The following CLEC16A variants were observed in gnomAD, a reference collection of about 807,000 sequenced individuals.
CLEC16A encodes protein CLEC16A.
CLEC16A carries 51 observed loss-of-function variants against 109.5 expected under a neutral mutation model. That is an observed-to-expected ratio of 0.47 (90% confidence interval 0.37 to 0.59). The LOEUF (loss-of-function observed/expected upper bound fraction) is 0.59, where lower values mean the gene tolerates loss of function less well. CLEC16A is among the 20% of genes least tolerant of loss of function. The pLI is 0.00. For missense variants in CLEC16A, 1,339 were observed against 1,394.0 expected, an observed-to-expected ratio of 0.96 and a Z score of 0.63; for synonymous variants, 673 against 564.2, an observed-to-expected ratio of 1.19 and a Z score of -2.73.
intron 23 of CLEC16A, among the ~76,000 whole-genome samples, 160 bp downstream of exon 23, chr16:11,166,712 C>A (rs774325199): frequency 6.6e-6 from 1 of 152,214 alleles, no homozygotes; most frequent in African/African-American, 2.4e-5. Flanking sequence ...ATTCCTCTAA[C>A]TTGATGTTCC....
At chr16:11,030,505 C>T (rs1313954978) in intron 13 of CLEC16A, among the ~76,000 whole-genome samples, 1 of 152,152 alleles carries the variant, frequency 6.6e-6, no homozygotes, top group African/African-American at 2.4e-5. Context: ...ATTTGCATAT[C>T]CCTAATGACA....
At chr16:11,052,376 A>G (rs2047994156) in intron 18 of CLEC16A, among the ~76,000 whole-genome samples, 1 of 152,120 alleles carries the variant, frequency 6.6e-6, no homozygotes, top group African/African-American at 2.4e-5. Context: ...CATCTGAGTT[A>G]ATTCGTGTGT....
rs545384998 is a variant in CLEC16A, at chr16:11,078,540, A to C, written c.2116+17518A>C. 5.3e-5 allele frequency among the ~76,000 whole-genome samples: 8 copies of C among 152,318 alleles called. No individual in the cohort carries two copies. In the East Asian group the frequency reaches 1.5e-3, roughly 29 times the overall value. ...TCACATCTCTCTAAGTTCCAAAGTCAGTTTCTCAGGTGGAAACCACCTGCC... is the reference window on the plus strand; with the variant it reads ...TCACATCTCTCTAAGTTCCAAAGTCCGTTTCTCAGGTGGAAACCACCTGCC... On this transcript the variant is annotated intron_variant, in intron 19 of 23. Transcript: ENST00000409790.
intron 10 of CLEC16A, among the ~76,000 whole-genome samples, chr16:10,995,858 G>A (rs1304085652): frequency 6.6e-6 from 1 of 152,128 alleles, no homozygotes; most frequent in Non-Finnish European, 1.5e-5. Context: ...TTCTCAAATC[G>A]CTTAGCAGAG....
chr16:11,058,420 T>C (rs1017308956), intron 18 of CLEC16A, among the ~76,000 whole-genome samples: 1 of 152,228 alleles, frequency 6.6e-6, no homozygotes, highest in South Asian at 2.1e-4. Flanking sequence ...AGATTACTTA[T>C]GATACTGAGT....
chr16:11,104,170 A>G (rs1287171783), intron 19 of CLEC16A, among the ~76,000 whole-genome samples: 3 of 152,132 alleles, frequency 2.0e-5, no homozygotes, highest in Non-Finnish European at 4.4e-5. Flanking sequence ...GTACAGTGGT[A>G]CAATCTCAGC....
At position 11,120,913 on chromosome 16, in the gene CLEC16A, A is replaced by C. The variant is rs553123435; in HGVS notation, c.2268+147A>C. ...GGTATATGTGAACAAATTGTCACCCAAAAAAAAGCTAAAATACCACATAAA... is the reference window on the plus strand; with the variant it reads ...GGTATATGTGAACAAATTGTCACCCCAAAAAAAGCTAAAATACCACATAAA... On this transcript the variant is annotated intron_variant, in intron 20 of 23. Coordinates refer to ENST00000409790, the MANE Select transcript of CLEC16A (RefSeq NM_015226.3). 1.5e-4 allele frequency: 130 copies of C among 845,840 alleles called. No homozygotes were observed. The African/African-American group carries it at 1.8e-3, about 11-fold the overall frequency. 52.4% of individuals were successfully genotyped at this position (845,840 alleles called of 1,614,324 possible).
chr16:11,015,355 T>G (rs2045683132), intron 11 of CLEC16A, among the ~76,000 whole-genome samples: 1 of 152,084 alleles, frequency 6.6e-6, no homozygotes. Context: ...GGGGGAGCGG[T>G]CCTGGCTTTG....
intron 12 of CLEC16A, among the ~76,000 whole-genome samples, chr16:11,023,275 T>G (rs2046227234): frequency 6.6e-6 from 1 of 152,212 alleles, no homozygotes; most frequent in African/African-American, 2.4e-5. Flanking sequence ...AATGGTTTTA[T>G]GATACTTCAT....
At chr16:10,957,554 C>T (rs958958952) in intron 1 of CLEC16A, among the ~76,000 whole-genome samples, 10 of 152,198 alleles carry the variant, frequency 6.6e-5, no homozygotes, top group African/African-American at 2.2e-4. Flanking sequence ...AAGGGTTTGA[C>T]GATTTTCTTG....
At chr16:10,976,124 G>T (rs1298247516) in intron 7 of CLEC16A, among the ~76,000 whole-genome samples, 1 of 152,136 alleles carries the variant, frequency 6.6e-6, no homozygotes, top group Non-Finnish European at 1.5e-5. Flanking sequence ...TTTAAAAATA[G>T]TTGGGCATTG....
chr16:10,964,070 C>T (rs2042383464), intron 3 of CLEC16A, among the ~76,000 whole-genome samples: 1 of 152,228 alleles, frequency 6.6e-6, no homozygotes, highest in South Asian at 2.1e-4. Context: ...CAGAGGCAGG[C>T]TCTAAGTCCC....
rs76325160 is a variant in CLEC16A, at chr16:11,166,417, C to T, written c.2671C>T (p.His891Tyr). The part of the protein sequence containing the change: ...GFAVAQCINQ[H>Y]SSPSLSSQSP... The stretch of plus-strand genomic sequence containing the variant: ...CGCCGTGGCCCAGTGCATAAACCAG[C>T]ACAGCTCCCCGTCCCTGTCCTCACA... Residue 891 changes from histidine (H) to tyrosine (Y), a missense_variant, in exon 23 of 24, where the codon CAC (histidine) becomes TAC (tyrosine). This residue lies in a region of CLEC16A where 1,061 missense variants were observed against 1,006.8 expected (regional missense o/e 1.05). Coordinates refer to ENST00000409790, the MANE Select transcript of CLEC16A (RefSeq NM_015226.3). The T allele has an allele frequency of 6.7e-5, 108 of 1,605,496 alleles. No individual in the cohort carries two copies. Among genetic ancestry groups the T allele is most frequent in the Middle Eastern group, 1.6e-4 (1 of 6,062 alleles).
intron 2 of CLEC16A, among the ~76,000 whole-genome samples, chr16:10,960,948 A>G (rs1644026170): frequency 6.6e-6 from 1 of 152,142 alleles, no homozygotes; most frequent in Non-Finnish European, 1.5e-5. Context: ...CTGGTACTGT[A>G]AAATGCTCCA....
intron 13 of CLEC16A, among the ~76,000 whole-genome samples, chr16:11,032,248 C>T (rs1259208615): frequency 6.6e-6 from 1 of 152,166 alleles, no homozygotes; most frequent in African/African-American, 2.4e-5. Flanking sequence ...CAGCGGGTGC[C>T]CCAAGAGGCA....
At chr16:11,118,369 G>C (rs2052160136) in intron 19 of CLEC16A, among the ~76,000 whole-genome samples, 1 of 73,598 alleles carries the variant, frequency 1.4e-5, no homozygotes, top group Non-Finnish European at 2.6e-5. Flanking sequence ...TCAAGATAAG[G>C]GACGTTAATT....
chr16:11,155,238 G>A (rs1016400044), intron 22 of CLEC16A, among the ~76,000 whole-genome samples: 1 of 152,090 alleles, frequency 6.6e-6, no homozygotes, highest in Admixed American at 6.5e-5. Flanking sequence ...TTTAGATTGC[G>A]TTAATGCTTT....
At chr16:11,012,837 G>T (rs1455619835) in intron 11 of CLEC16A, among the ~76,000 whole-genome samples, 1 of 152,120 alleles carries the variant, frequency 6.6e-6, no homozygotes, top group East Asian at 1.9e-4. Context: ...TTATTGTCAT[G>T]CATTTGTATT....
chr16:11,143,784 A>T (rs1255940864), intron 22 of CLEC16A, among the ~76,000 whole-genome samples: 1 of 152,178 alleles, frequency 6.6e-6, no homozygotes, highest in Non-Finnish European at 1.5e-5. Flanking sequence ...TCCCTGGGGA[A>T]AGGTAGGCAT....
Sources: gnomAD v4.1 joint callset for allele counts (sites outside exome capture counted in the v4.1 genomes callset) on GRCh38, gnomAD v4.1.1 for gene constraint, gnomAD v4.1.1 regional missense constraint, MANE v1.5 for transcripts, NCBI Gene and HGNC (gene_info 2026-07-23, HGNC 2026-07-21) for gene names.